The following CXCR3 variants were observed in gnomAD, a reference collection of about 807,000 sequenced individuals.
The protein encoded by CXCR3 is C-X-C chemokine receptor type 3.
For synonymous variants in CXCR3, 136 were observed against 148.0 expected (o/e 0.92, Z 0.59); for missense variants, 239 against 310.2 (o/e 0.77, Z 1.72).
rs760338406 is a variant in CXCR3, at chrX:71,616,375, G to A, written c.1097C>T (p.Ser366Leu). 8.4e-7 allele frequency: 1 copy of A among 1,189,645 alleles called. No individual in the cohort carries two copies. Among genetic ancestry groups the A allele is most frequent in the Non-Finnish European group, 1.1e-6 (1 of 881,960 alleles). ...GCCCGGATTCCGGCCTCACAAGCCC[G>A]AGTAGGAGGCCTCTGAGGTCTCAGA... ...SWSETSEASY[S>L]GL Residue 366 changes from serine (S) to leucine (L), a missense_variant, in exon 2 of 2, where the codon TCG (serine) becomes TTG (leucine). Physicochemically the swap from Ser to Leu is moderately radical, Grantham distance 145. Transcript: ENST00000373693.
At position 71,617,034 on chromosome X, in the gene CXCR3, G is replaced by A; in HGVS notation, c.438C>T (p.Ser146=). 8.3e-7 allele frequency: 1 copy of A among 1,207,795 alleles called. No homozygotes were observed. The highest frequency in any genetic ancestry group is 1.1e-6 in the Non-Finnish European group (1 of 893,089). The change falls in exon 2 of 2, where the codon AGC becomes AGT. Residue 146 remains serine, a synonymous_variant. Transcript: ENST00000373693. ...YAGALLLACI[S]FDRYLNIVHA... Reference sequence around the variant, plus strand: ...GAACTATGTTCAGGTAGCGGTCAAAGCTGATGCAGGCCAGCAGGAGGGCTC... The same window carrying A: ...GAACTATGTTCAGGTAGCGGTCAAAACTGATGCAGGCCAGCAGGAGGGCTC...
Position 71,615,977 on chromosome X carries a change from G to C in CXCR3, c.*388C>G, listed in dbSNP as rs904348550. On this transcript the variant is annotated 3_prime_UTR_variant, in exon 2 of 2. Coordinates refer to ENST00000373693, the MANE Select transcript of CXCR3 (RefSeq NM_001504.2). The stretch of plus-strand genomic sequence containing the variant: ...CAGGATTTTAGACATAAAAATAAAA[G>C]AGCAAATATAGAGGTCTTGGGGACC... The C allele has an allele frequency of 1.9e-5, 3 of 160,031 alleles. No homozygotes were observed. Among genetic ancestry groups the C allele is most frequent in the African/African-American group, 9.1e-5 (3 of 33,071 alleles). The allele number at this position is 160,031 out of a possible 1,213,427, so 13.2% of individuals were successfully genotyped here. A position where few individuals can be genotyped will look rare whatever the true frequency, so the allele number is the denominator to read the frequency against.
rs2040855027 is a variant in CXCR3 at position 71,616,990 on chromosome X, C to T, written c.482G>A (p.Arg161His). ...LNIVHATQLYRRGPPARVTLT... is the reference protein window; with the variant it reads ...LNIVHATQLYHRGPPARVTLT... ...GGTCACGCGGGCCGGGGGCCCCCGG[C>T]GGTAGAGCTGGGTGGCATGAACTAT... is the stretch of plus-strand genomic sequence containing the variant. Residue 161 changes from arginine to histidine, a missense_variant, in exon 2 of 2, where the codon CGC (arginine) becomes CAC (histidine). Physicochemically the swap from Arg to His is conservative, Grantham distance 29. Transcript: ENST00000373693. The T allele has an allele frequency of 1.7e-6, 2 of 1,208,665 alleles. No homozygotes were observed. Among genetic ancestry groups the T allele is most frequent in the East Asian group, 3.0e-5 (1 of 33,725 alleles).
At chrX:71,617,756 G>A in intron 1 of CXCR3, 1 of 1,018,122 alleles carries the variant, frequency 9.8e-7, no homozygotes, top group East Asian at 3.5e-5. Context: ...TCTGCCCACT[G>A]TCCTCTCTCT....
Position 71,616,660 on chromosome X carries a change from TA to T in CXCR3, c.811del (p.Tyr271IlefsTer26). On this transcript the variant is annotated frameshift_variant, in exon 2 of 2. Transcript: ENST00000373693. LOFTEE classifies it high-confidence loss of function. ...GATGTCCACCAGCACCACCAGGTGA[TA>T]GGGGGTCCAGCAGAGGGCAAAGGCC... is the stretch of plus-strand genomic sequence containing the variant. ...VVAFALCWTPYHLVVLVDILM... is the reference protein window; with the variant it reads ...VVAFALCWTPXHLVVLVDILM... The T allele has an allele frequency of 8.3e-7, 1 of 1,210,812 alleles. No homozygotes were observed. Among genetic ancestry groups the T allele is most frequent in the East Asian group, 3.0e-5 (1 of 33,797 alleles).
Position 71,616,738 on chromosome X carries a change from G to T in CXCR3, c.734C>A (p.Ser245Tyr). 1 of 1,207,546 alleles carries T rather than the reference G, an allele frequency of 8.3e-7. No homozygotes were observed. Among genetic ancestry groups the T allele is most frequent in the Non-Finnish European group, 1.1e-6 (1 of 893,287 alleles). Residue 245 changes from serine to tyrosine, a missense_variant, in exon 2 of 2, where the codon TCC becomes TAC. Physicochemically the swap from Ser to Tyr is moderately radical, Grantham distance 144. Transcript: ENST00000373693. ...GGCCCGCAGGCGCCGCTGGCCCCTG[G>T]AAACCAGCAGCACGGCCAGGATGTG... is the stretch of plus-strand genomic sequence containing the variant. ...YAHILAVLLV[S>Y]RGQRRLRAMR...
rs2040852382 is a variant in CXCR3 at position 71,616,811 on chromosome X, C to G, written c.661G>C (p.Val221Leu). 1 of 1,207,041 alleles carries G rather than the reference C, an allele frequency of 8.3e-7. No homozygotes were observed. Residue 221 changes from valine to leucine, a missense_variant, in exon 2 of 2, where the codon GTG becomes CTG. By Grantham distance (32) the Val-to-Leu change is conservative. Coordinates refer to ENST00000373693, the MANE Select transcript of CXCR3 (RefSeq NM_001504.2). ...AGCAGGGGCAGCAGAAAGCCAGCCACCAGCTGCAGCACCCGCAGAGCCGTG... is the reference window on the plus strand; with the variant it reads ...AGCAGGGGCAGCAGAAAGCCAGCCAGCAGCTGCAGCACCCGCAGAGCCGTG... ...GRTALRVLQL[V>L]AGFLLPLLVM...
chrX:71,616,232 C>T lies in CXCR3; in HGVS notation c.*133G>A. 1 of 923,082 alleles carries T rather than the reference C, an allele frequency of 1.1e-6. No homozygotes were observed. Among genetic ancestry groups the T allele is most frequent in the Non-Finnish European group, 1.4e-6 (1 of 694,882 alleles). The allele number at this position is 923,082 out of a possible 1,213,427, so 76.1% of individuals were successfully genotyped here. ...CTGGGAGGGTGGCTTCCCGGGAGAC[C>T]TGGTGGTGCTGGGGCTGCCAGTGAG... On this transcript the variant is annotated 3_prime_UTR_variant, in exon 2 of 2. Coordinates refer to ENST00000373693, the MANE Select transcript of CXCR3 (RefSeq NM_001504.2).
At chrX:71,618,341 G>A (rs1479571078) in intron 1 of CXCR3, 97 bp downstream of exon 1, 5 of 1,197,839 alleles carry the variant, frequency 4.2e-6, no homozygotes, top group Non-Finnish European at 5.6e-6. Context: ...CCAACCCTGT[G>A]GTGACCCTGG....
chrX:71,617,975 G>C (rs2040867540), intron 1 of CXCR3, among the ~76,000 whole-genome samples: 1 of 72,385 alleles, frequency 1.4e-5, no homozygotes, highest in African/African-American at 5.9e-5. Flanking sequence ...CCCCCCAAAT[G>C]CATGCAGTCT....
At position 71,617,245 on chromosome X, in the gene CXCR3, G is replaced by A. The variant is rs748102747; in HGVS notation, c.227C>T (p.Ala76Val). Residue 76 changes from alanine (A) to valine (V), a missense_variant, in exon 2 of 2, where the codon GCC becomes GTC. Physicochemically the swap from Ala to Val is moderately conservative, Grantham distance 64. Transcript: ENST00000373693. ...GGCTGTCCGCCGGCTCAGCAGCACG[G>A]CTGCCACCGCGCCGTTGCCCAGCAG... ...LGLLGNGAVA[A>V]VLLSRRTALS... 2.7e-5 allele frequency: 32 copies of A among 1,196,205 alleles called. No homozygotes were observed. Among genetic ancestry groups the A allele is most frequent in the Non-Finnish European group, 9.0e-6 (8 of 888,097 alleles).
At position 71,616,780 on chromosome X, in the gene CXCR3, A is replaced by C; in HGVS notation, c.692T>G (p.Met231Arg). 1 of 1,206,965 alleles carries C rather than the reference A, an allele frequency of 8.3e-7. No homozygotes were observed. The change falls in exon 2 of 2, where the codon ATG (methionine) becomes AGG (arginine). Residue 231 changes from methionine (M) to arginine (R), a missense_variant. Transcript: ENST00000373693. ...CAGGATGTGGGCATAGCAGTAGGCCATGACCAGCAGGGGCAGCAGAAAGCC... is the reference window on the plus strand; with the variant it reads ...CAGGATGTGGGCATAGCAGTAGGCCCTGACCAGCAGGGGCAGCAGAAAGCC... ...VAGFLLPLLVMAYCYAHILAV... is the reference protein window; with the variant it reads ...VAGFLLPLLVRAYCYAHILAV...
Position 71,616,587 on chromosome X carries a change from C to T in CXCR3, c.885G>A (p.Arg295=), listed in dbSNP as rs752850595. ...AGGTGACCGACTTGGCCACGTCTACCCTGCTTTCTCGGCCACAGTTGCGGG... is the reference window on the plus strand; with the variant it reads ...AGGTGACCGACTTGGCCACGTCTACTCTGCTTTCTCGGCCACAGTTGCGGG... The part of the protein sequence containing the change: ...ALARNCGRES[R]VDVAKSVTSG... Residue 295 remains arginine, a synonymous_variant, in exon 2 of 2, where the codon AGG becomes AGA. Coordinates refer to ENST00000373693, the MANE Select transcript of CXCR3 (RefSeq NM_001504.2). The T allele has an allele frequency of 1.7e-6, 2 of 1,211,905 alleles. No individual in the cohort carries two copies. Among genetic ancestry groups the T allele is most frequent in the East Asian group, 3.0e-5 (1 of 33,824 alleles).
At chrX:71,617,963 C>T (rs1336195032) in intron 1 of CXCR3, among the ~76,000 whole-genome samples, 1 of 93,859 alleles carries the variant, frequency 1.1e-5, no homozygotes, top group Non-Finnish European at 2.1e-5. Context: ...CAAGTCACCA[C>T]GCCCCCCAAA....
chrX:71,617,702 C>T (rs1029562080), intron 1 of CXCR3: 1 of 1,090,756 alleles, frequency 9.2e-7, no homozygotes, highest in Non-Finnish European at 1.2e-6. Context: ...GCCCAGGGAC[C>T]CCTGGGCAGG....
At chrX:71,617,507 G>A in intron 1 of CXCR3, 48 bp from the exon 2 acceptor site, 1 of 1,200,851 alleles carries the variant, frequency 8.3e-7, no homozygotes, top group Non-Finnish European at 1.1e-6. Flanking sequence ...AGGCCTGGCA[G>A]GAACTCTTTT....
In CXCR3 at chrX:71,616,039, G is replaced by A. The variant is rs1389985850; in HGVS notation, c.*326C>T. 1 of 252,775 alleles carries A rather than the reference G, an allele frequency of 4.0e-6. No individual in the cohort carries two copies. The highest frequency in any genetic ancestry group is 7.0e-6 in the Non-Finnish European group (1 of 142,768). 20.8% of individuals were successfully genotyped at this position (252,775 alleles called of 1,213,427 possible). A position where few individuals can be genotyped will look rare whatever the true frequency, so the allele number is the denominator to read the frequency against. The stretch of plus-strand genomic sequence containing the variant: ...CACTGCTGAGCTGGAGGCCTGGGCT[G>A]TGGCTTCATGGGGCAGCACCCTCTA... On this transcript the variant is annotated 3_prime_UTR_variant, in exon 2 of 2. Coordinates refer to ENST00000373693, the MANE Select transcript of CXCR3 (RefSeq NM_001504.2).
Position 71,616,128 on chromosome X carries a change from A to G in CXCR3, c.*237T>C, listed in dbSNP as rs2147738467. 1 of 389,044 alleles carries G rather than the reference A, an allele frequency of 2.6e-6. No individual in the cohort carries two copies. Among genetic ancestry groups the G allele is most frequent in the East Asian group, 4.2e-5 (1 of 23,756 alleles). 32.1% of individuals were successfully genotyped at this position (389,044 alleles called of 1,213,427 possible). ...GTTTTAGTTTCCAAATGAGAAGGGC[A>G]GTGGGGCTCCAGGCAGCCACCTCGG... On this transcript the variant is annotated 3_prime_UTR_variant, in exon 2 of 2. Coordinates refer to ENST00000373693, the MANE Select transcript of CXCR3 (RefSeq NM_001504.2).
Position 71,617,311 on chromosome X carries a change from G to T in CXCR3, c.161C>A (p.Ala54Asp). ...PQDFSLNFDRAFLPALYSLLF... is the reference protein window; with the variant it reads ...PQDFSLNFDRDFLPALYSLLF... Reference sequence around the variant, plus strand: ...GAGGCTGTAGAGGGCTGGCAGGAAGGCCCGGTCGAAGTTCAGGCTGAAGTC... The same window carrying T: ...GAGGCTGTAGAGGGCTGGCAGGAAGTCCCGGTCGAAGTTCAGGCTGAAGTC... The change falls in exon 2 of 2, where the codon GCC becomes GAC. Residue 54 changes from alanine to aspartate, a missense_variant. Physicochemically the swap from Ala to Asp is moderately radical, Grantham distance 126. Transcript: ENST00000373693. The T allele has an allele frequency of 1.7e-6, 2 of 1,208,151 alleles. No homozygotes were observed. Among genetic ancestry groups the T allele is most frequent in the Non-Finnish European group, 2.2e-6 (2 of 893,655 alleles).
Sources: allele counts gnomAD v4.1 joint callset (sites outside exome capture counted in the v4.1 genomes callset), GRCh38; gene constraint gnomAD v4.1.1; transcripts MANE v1.5; gene names NCBI Gene and HGNC (gene_info 2026-07-23, HGNC 2026-07-21).